The following MAP4K1 variants were observed in gnomAD, a reference collection of about 807,000 sequenced individuals.
The protein encoded by MAP4K1 is MAPK/ERK kinase kinase kinase 1.
MAP4K1 carries 35 observed loss-of-function variants against 122.8 expected under a neutral mutation model. The observed-to-expected ratio is 0.29, with a 90% CI of 0.22 to 0.38. The LOEUF is 0.38. MAP4K1 is among the 10% of genes least tolerant of loss of function. MAP4K1 has a pLI of 1.00. For missense variants in MAP4K1, 791 were observed against 1,072.6 expected (o/e 0.74, Z 3.67); for synonymous variants, 412 against 421.3 (o/e 0.98, Z 0.27).
chr19:38,602,545 CATAT>C (rs563491207), intron 19 of MAP4K1, among the ~76,000 whole-genome samples: 132 of 146,410 alleles, frequency 9.0e-4, no homozygotes, highest in African/African-American at 3.1e-3. Context: ...TACACATATA[CATAT>C]ATATACACAC....
At position 38,605,605 on chromosome 19, in the gene MAP4K1, G is replaced by T. The variant is rs775235819; in HGVS notation, c.1326C>A (p.Pro442=). The change falls in exon 18 of 31, where the codon CCC becomes CCA. Residue 442 remains proline, a synonymous_variant. Transcript: ENST00000396857. The part of the protein sequence containing the change: ...PPPNSPRPGP[P]PSTSSPHLTA... ...TGAGGTGGGGGCTGCTGGTGGATGG[G>T]GGAGGCCCAGGACGGGGGCTGTTTG... 4.5e-6 allele frequency: 7 copies of T among 1,562,520 alleles called. 1 individual carries two copies. In the South Asian group the frequency reaches 8.1e-5, roughly 18 times the overall value.
intron 30 of MAP4K1, chr19:38,592,311 A>C (rs1267629129): frequency 6.6e-6 from 1 of 152,010 alleles, no homozygotes; most frequent in Non-Finnish European, 1.5e-5. Context: ...GCAGTGGCTC[A>C]CTCCTGTAAT....
chr19:38,604,254 T>C (rs1448148612), intron 19 of MAP4K1, among the ~76,000 whole-genome samples: 1 of 151,962 alleles, frequency 6.6e-6, no homozygotes, highest in Non-Finnish European at 1.5e-5. Context: ...GCATTATGCA[T>C]GTACGTAAAA....
rs570759651 is a variant in MAP4K1 at position 38,603,070 on chromosome 19, A to G, written c.1447-1545T>C. Among the ~76,000 whole-genome samples, 28 of 136,432 alleles carry G rather than the reference A, an allele frequency of 2.1e-4. 2 individuals are homozygous for G. The highest frequency in any genetic ancestry group is 1.1e-3 in the South Asian group (4 of 3,616). 89.5% of individuals were successfully genotyped at this position (136,432 alleles called of 152,430 possible). ...TATATACGCATATACATATACACAT[A>G]TACATATATACACATGTACATATAT... On this transcript the variant is annotated intron_variant, in intron 19 of 30. Transcript: ENST00000396857.
Position 38,617,423 on chromosome 19 carries a change from T to C in MAP4K1, c.179A>G (p.Gln60Arg). Reference protein sequence around the residue: ...MEPDDDVSTLQKEILILKTCR... With the variant: ...MEPDDDVSTLRKEILILKTCR... ...AGTTTTCAATATGAGGATTTCCTTC[T>C]GAAGGGTGGAGACATCATCATCTGT... Residue 60 changes from glutamine to arginine, a missense_variant, in exon 3 of 31, where the codon CAG becomes CGG. Physicochemically the swap from Gln to Arg is conservative, Grantham distance 43. Transcript: ENST00000396857. The surrounding 1 kb of genome is among the most constrained non-coding windows in gnomAD (Gnocchi z 4.1). 1 of 1,613,674 alleles carries C rather than the reference T, an allele frequency of 6.2e-7. No homozygotes were observed. The highest frequency in any genetic ancestry group is 8.5e-7 in the Non-Finnish European group (1 of 1,179,724).
chr19:38,612,529 G>A, intron 9 of MAP4K1, 82 bp downstream of exon 9: 1 of 1,414,518 alleles, frequency 7.1e-7, no homozygotes, highest in Non-Finnish European at 9.5e-7. Context: ...GAGGTTCCTG[G>A]GATGGAAGGC....
In MAP4K1 at chr19:38,605,487, G is replaced by C; in HGVS notation, c.1368C>G (p.Pro456=). 1 of 1,587,998 alleles carries C rather than the reference G, an allele frequency of 6.3e-7. No homozygotes were observed. The highest frequency in any genetic ancestry group is 1.1e-5 in the South Asian group (1 of 87,138). Residue 456 remains proline (P), a synonymous_variant, in exon 19 of 31, where the codon CCC becomes CCG. Transcript: ENST00000396857. The part of the protein sequence containing the change: ...SSPHLTAHSE[P]SLWNPPSREL... ...CCCGGGAGGGTGGGTTCCAGAGTGA[G>C]GGTTCTGAGAGGGGTTAGGAGAAAA...
chr19:38,602,602 A>G (rs928873679), intron 19 of MAP4K1, among the ~76,000 whole-genome samples: 1 of 149,278 alleles, frequency 6.7e-6, no homozygotes, highest in Non-Finnish European at 1.5e-5. Flanking sequence ...ATATATACGC[A>G]TATACATATA....
intron 16 of MAP4K1, among the ~76,000 whole-genome samples, chr19:38,606,500 A>G (rs537160013): frequency 2.0e-5 from 3 of 152,248 alleles, no homozygotes; most frequent in Admixed American, 2.0e-4. Context: ...CCAGAAAAAA[A>G]TTAAAAATTA....
chr19:38,591,952 C>T (rs1225650747), intron 30 of MAP4K1, among the ~76,000 whole-genome samples: 3 of 130,556 alleles, frequency 2.3e-5, no homozygotes, highest in Non-Finnish European at 4.8e-5. Context: ...GGCTGGGCAA[C>T]AGAGCAAGAA....
rs1210356131 is a variant in MAP4K1, at chr19:38,590,385, AAAAAAAAAAATATATATATATAT to A, written c.2397-2591_2397-2569del. Among the ~76,000 whole-genome samples the A allele has an allele frequency of 1.5e-3, 118 of 78,336 alleles. 4 individuals carry two copies. Among genetic ancestry groups the A allele is most frequent in the South Asian group, 5.3e-3 (11 of 2,088 alleles). 51.4% of individuals were successfully genotyped at this position (78,336 alleles called of 152,430 possible). A position where few individuals can be genotyped will look rare whatever the true frequency, so the allele number is the denominator to read the frequency against. On this transcript the variant is annotated intron_variant, in intron 30 of 30. Transcript: ENST00000396857. ...TGATCTTGGACCAGAAAAAAAAAAA[AAAAAAAAAAATATATATATATAT>A]ATATATATATATATATATATATATA...
chr19:38,607,887 G>C lies in MAP4K1; in HGVS notation c.1134C>G (p.Asp378Glu). 6.2e-7 allele frequency: 1 copy of C among 1,612,228 alleles called. No individual in the cohort carries two copies. Among genetic ancestry groups the C allele is most frequent in the Non-Finnish European group, 8.5e-7 (1 of 1,179,290 alleles). Residue 378 changes from aspartate (D) to glutamate (E), a missense_variant, in exon 16 of 31, where the codon GAC becomes GAG. By Grantham distance (45) the Asp-to-Glu change is conservative. Around this residue, in one of 4 missense-constraint regions of MAP4K1, gnomAD observed 303 missense variants for 344.8 expected, o/e 0.88. Coordinates refer to ENST00000396857, the MANE Select transcript of MAP4K1 (RefSeq NM_001042600.3). The part of the protein sequence containing the change: ...SPRKQLSESS[D>E]DDYDDVDIPT... ...ACATGTCCACGTCGTCATAGTCATC[G>C]TCAGACGACTCTGACAGTTGCTTCC...
intron 19 of MAP4K1, among the ~76,000 whole-genome samples, chr19:38,602,029 C>T (rs1975079918): frequency 6.6e-6 from 1 of 151,842 alleles, no homozygotes; most frequent in East Asian, 1.9e-4. Context: ...TCACCTGCCT[C>T]AGCCTCCCAA....
intron 11 of MAP4K1, among the ~76,000 whole-genome samples, chr19:38,610,827 C>G (rs1975474187): frequency 6.6e-6 from 1 of 151,928 alleles, no homozygotes; most frequent in South Asian, 2.1e-4. Context: ...AGTCTTGAGT[C>G]CTTTGGGAAT....
chr19:38,616,555 C>G (rs1975652806), intron 3 of MAP4K1, among the ~76,000 whole-genome samples: 1 of 152,122 alleles, frequency 6.6e-6, no homozygotes, highest in Non-Finnish European at 1.5e-5. Flanking sequence ...GCAGAGATCT[C>G]ACGGGTTGTG....
chr19:38,600,034 A>C, intron 21 of MAP4K1, 43 bp downstream of exon 21: 1 of 1,613,824 alleles, frequency 6.2e-7, no homozygotes, highest in Middle Eastern at 1.6e-4. Context: ...GCAACCCCCG[A>C]CTCCGGCCCT....
intron 5 of MAP4K1, 25 bp downstream of exon 5, chr19:38,614,365 C>T (rs935211275): frequency 2.5e-6 from 4 of 1,614,182 alleles, no homozygotes; most frequent in Non-Finnish European, 3.4e-6. Context: ...CCTCCCATCC[C>T]CAGAATCCCC....
rs369738732 is a variant in MAP4K1 at position 38,617,928 on chromosome 19, G to A, written c.-33C>T. Reference sequence around the variant, plus strand: ...GGCCTGAGCTGGGCCTGCGCCCAGGGGCCAGCAGGGCCTCAGGGCTCAACT... The same window carrying A: ...GGCCTGAGCTGGGCCTGCGCCCAGGAGCCAGCAGGGCCTCAGGGCTCAACT... On this transcript the variant is annotated 5_prime_UTR_variant, in exon 1 of 31. Transcript: ENST00000396857. The surrounding 1 kb of genome is among the most constrained non-coding windows in gnomAD (Gnocchi z 4.1). The A allele has an allele frequency of 1.9e-5, 30 of 1,572,314 alleles. No individual in the cohort carries two copies. Among genetic ancestry groups the A allele is most frequent in the East Asian group, 1.6e-4 (7 of 44,680 alleles).
At position 38,608,162 on chromosome 19, in the gene MAP4K1, T is replaced by C. The variant is rs779620297; in HGVS notation, c.1015A>G (p.Met339Val). ...ATTCCTCGGAGCTTCCTGAACTCCATGTGCCGCCCTAGGGTGGGTGGGGGA... is the reference window on the plus strand; with the variant it reads ...ATTCCTCGGAGCTTCCTGAACTCCACGTGCCGCCCTAGGGTGGGTGGGGGA... The part of the protein sequence containing the change: ...IPDADCCRRH[M>V]EFRKLRGMET... Residue 339 changes from methionine (M) to valine (V), a missense_variant, in exon 14 of 31, where the codon ATG becomes GTG. By Grantham distance (21) the Met-to-Val change is conservative (BLOSUM62 1). Transcript: ENST00000396857. 25 of 1,516,040 alleles carry C rather than the reference T, an allele frequency of 1.6e-5. No homozygotes were observed. In the Admixed American group the frequency reaches 4.3e-4, roughly 26 times the overall value. 93.9% of individuals were successfully genotyped at this position (1,516,040 alleles called of 1,614,324 possible).
Sources: allele counts gnomAD v4.1 joint callset (sites outside exome capture counted in the v4.1 genomes callset), GRCh38; gene constraint gnomAD v4.1.1; regional missense constraint gnomAD v4.1.1; non-coding constraint Gnocchi (gnomAD v3.1); transcripts MANE v1.5; gene names NCBI Gene and HGNC (gene_info 2026-07-23, HGNC 2026-07-21).